Variants in GALNTL6 observed in about 807,000 individuals in gnomAD.
GALNTL6 encodes the protein polypeptide N-acetylgalactosaminyltransferase-like 6.
A neutral mutation model predicts 73.7 loss-of-function variants in GALNTL6; 46 were observed. The observed-to-expected ratio is 0.62, with a 90% confidence interval of 0.49 to 0.80. GALNTL6 has a LOEUF of 0.80. Ranked by LOEUF, GALNTL6 falls within the 30% of genes least tolerant of loss-of-function variation. The probability of loss-of-function intolerance (pLI) is 0.00; values close to 1 mark genes in which losing one functional copy is unlikely to be tolerated. For missense variants in GALNTL6, 604 were observed against 755.0 expected (o/e 0.80, Z 2.34); for synonymous variants, 259 against 263.7 (o/e 0.98, Z 0.17).
At chr4:172,927,741 A>G (rs1275858406) in intron 8 of GALNTL6, among the ~76,000 whole-genome samples, 1 of 152,184 alleles carries the variant, frequency 6.6e-6, no homozygotes, top group East Asian at 1.9e-4. Context: ...ACAATGGAGT[A>G]GCCTCAGAGA....
intron 10 of GALNTL6, among the ~76,000 whole-genome samples, chr4:172,994,265 A>C (rs1439697215): frequency 6.6e-6 from 1 of 152,148 alleles, no homozygotes; most frequent in Non-Finnish European, 1.5e-5. Flanking sequence ...TTTCCCTATC[A>C]GTTTTGCATG....
At position 172,069,420 on chromosome 4, in the gene GALNTL6, A is replaced by ATG; in HGVS notation, c.139-160235_139-160234insGT. On this transcript the variant is annotated intron_variant, in intron 2 of 12. Transcript: ENST00000506823. ...GTTATATATAACACATATATGTTAT[A>ATG]TATAACACACATATAACATATATAT... Among the ~76,000 whole-genome samples the ATG allele has an allele frequency of 2.1e-5, 2 of 96,288 alleles. 1 individual carries two copies. The highest frequency in any genetic ancestry group is 4.4e-5 in the Non-Finnish European group (2 of 45,354). The allele number at this position is 96,288 out of a possible 152,430, so 63.2% of individuals were successfully genotyped here. A position where few individuals can be genotyped will look rare whatever the true frequency, so the allele number is the denominator to read the frequency against.
At chr4:172,789,476 A>G (rs1054275622) in intron 5 of GALNTL6, among the ~76,000 whole-genome samples, 1 of 152,134 alleles carries the variant, frequency 6.6e-6, no homozygotes, top group Non-Finnish European at 1.5e-5. Context: ...GTGTGGCCCA[A>G]TATAATTCTT....
intron 2 of GALNTL6, among the ~76,000 whole-genome samples, chr4:172,015,993 G>C (rs1741183398): frequency 1.2e-5 from 1 of 84,004 alleles, no homozygotes; most frequent in Non-Finnish European, 2.1e-5. Flanking sequence ...CAGCTCTTAA[G>C]ATTCTTTCCT....
At chr4:172,804,335 A>G (rs1341276419) in intron 5 of GALNTL6, among the ~76,000 whole-genome samples, 1 of 152,222 alleles carries the variant, frequency 6.6e-6, no homozygotes, top group Non-Finnish European at 1.5e-5. Context: ...CTCATAGCTA[A>G]GTATCACCCG....
At chr4:172,235,108 G>A (rs933607638) in intron 3 of GALNTL6, among the ~76,000 whole-genome samples, 24 of 151,740 alleles carry the variant, frequency 1.6e-4, no homozygotes, top group African/African-American at 2.4e-4. Flanking sequence ...TAAGATTTTC[G>A]TAATGCCTGC....
chr4:172,606,474 G>C (rs1303879231), intron 5 of GALNTL6, among the ~76,000 whole-genome samples: 1 of 132,074 alleles, frequency 7.6e-6, no homozygotes, highest in Non-Finnish European at 1.6e-5. Context: ...AAAAAACAAA[G>C]AAAACAAAAA....
intron 8 of GALNTL6, among the ~76,000 whole-genome samples, chr4:172,905,074 C>A (rs1354311391): frequency 6.6e-6 from 1 of 152,028 alleles, no homozygotes; most frequent in East Asian, 1.9e-4. Context: ...ATAATTTGAG[C>A]CTTAACAAGG....
intron 5 of GALNTL6, among the ~76,000 whole-genome samples, chr4:172,494,823 G>T (rs113355318): frequency 7.9e-5 from 12 of 152,160 alleles, no homozygotes; most frequent in African/African-American, 2.4e-4. Context: ...TATTCTAGCC[G>T]CACTGGCAGC....
At chr4:172,248,878 C>T (rs1035643135) in intron 3 of GALNTL6, among the ~76,000 whole-genome samples, 4 of 152,256 alleles carry the variant, frequency 2.6e-5, no homozygotes, top group Middle Eastern at 3.4e-3. Context: ...GGCCTCCCTA[C>T]CCCTGTGGAA....
intron 2 of GALNTL6, among the ~76,000 whole-genome samples, chr4:171,962,131 C>T (rs377301608): frequency 3.9e-5 from 6 of 152,286 alleles, no homozygotes; most frequent in African/African-American, 1.2e-4. Flanking sequence ...GGAATATCAT[C>T]GCCCCTATCC....
chr4:172,106,461 T>C (rs1017659889), intron 2 of GALNTL6, among the ~76,000 whole-genome samples: 1 of 152,206 alleles, frequency 6.6e-6, no homozygotes, highest in African/African-American at 2.4e-5. Context: ...TTGGAATTGA[T>C]ATCCTAGGTA....
chr4:171,926,979 G>T (rs1738002938), intron 2 of GALNTL6, among the ~76,000 whole-genome samples: 1 of 151,664 alleles, frequency 6.6e-6, no homozygotes, highest in African/African-American at 2.4e-5. Flanking sequence ...TGTTAAAATG[G>T]TCCTCATATT....
intron 5 of GALNTL6, among the ~76,000 whole-genome samples, chr4:172,642,186 T>A (rs1027856980): frequency 1.4e-4 from 22 of 151,812 alleles, no homozygotes; most frequent in South Asian, 6.2e-4. Context: ...AAAAAATTTT[T>A]AAAAAAAACT....
chr4:172,848,436 A>T lies in GALNTL6; in HGVS notation c.924-34354A>T, dbSNP rs1185959163. Among the ~76,000 whole-genome samples, 5 of 152,344 alleles carry T rather than the reference A, an allele frequency of 3.3e-5. No homozygotes were observed. The South Asian group carries it at 6.2e-4, about 19-fold the overall frequency. On this transcript the variant is annotated intron_variant, in intron 7 of 12. Transcript: ENST00000506823. ...ATATTTTCAGAAAGCTCTGAGTATA[A>T]TGGAGCTGCTATTATAGCCTCAATA...
At chr4:172,555,843 G>T (rs1415209118) in intron 5 of GALNTL6, among the ~76,000 whole-genome samples, 2 of 152,008 alleles carry the variant, frequency 1.3e-5, no homozygotes, top group African/African-American at 4.8e-5. Context: ...CCTTTGAAAT[G>T]AGTAAAAAAT....
In GALNTL6 at chr4:173,029,105, T is replaced by A. The variant is rs148718391; in HGVS notation, c.1638+7480T>A. Among the ~76,000 whole-genome samples, 570 of 152,332 alleles carry A rather than the reference T, an allele frequency of 3.7e-3. 3 individuals are homozygous for A. The highest frequency in any genetic ancestry group is 0.012 in the African/African-American group (517 of 41,574). ...GTTATTTTAAATCATTCTGGACAGG[T>A]ATTGATTTGGGACCAAAAAATAAGG... On this transcript the variant is annotated intron_variant, in intron 12 of 12. Transcript: ENST00000506823.
intron 2 of GALNTL6, among the ~76,000 whole-genome samples, chr4:172,048,943 C>T (rs889197453): frequency 6.6e-6 from 1 of 152,090 alleles, no homozygotes; most frequent in African/African-American, 2.4e-5. Flanking sequence ...AGCTATAAAG[C>T]CTAGAATGAT....
intron 8 of GALNTL6, among the ~76,000 whole-genome samples, chr4:172,890,912 G>A (rs1264781890): frequency 6.6e-6 from 1 of 152,092 alleles, no homozygotes; most frequent in African/African-American, 2.4e-5. Context: ...TTGTCTTGTT[G>A]TTGAATTCAA....
Sources: gnomAD v4.1 joint callset for allele counts (sites outside exome capture counted in the v4.1 genomes callset) on GRCh38, gnomAD v4.1.1 for gene constraint, MANE v1.5 for transcripts, NCBI Gene and HGNC (gene_info 2026-07-23, HGNC 2026-07-21) for gene names.